OSBPL2: variants seen among roughly 807,000 people sequenced by gnomAD.
The protein encoded by OSBPL2 is oxysterol-binding protein-related protein 2.
In OSBPL2, 18 loss-of-function variants were observed where a neutral mutation model predicts 58.4. The observed-to-expected ratio is 0.31, with a 90% CI of 0.21 to 0.46. The LOEUF (loss-of-function observed/expected upper bound fraction) is 0.46, where lower values mean the gene tolerates loss of function less well. Among genes scored for constraint, OSBPL2 ranks in the 20% least tolerant of loss-of-function variants. The pLI, the probability that OSBPL2 is intolerant of heterozygous loss-of-function variation, is 1.00. For missense variants in OSBPL2, 461 were observed against 616.5 expected (o/e 0.75, Z 2.67); for synonymous variants, 221 against 234.1 (o/e 0.94, Z 0.51).
chr20:62,294,168 C>T lies in OSBPL2; in HGVS notation c.*281C>T. ...CGGCGCCCTTTTATGTGGCAGAAAT[C>T]AGCTGGGGCTTGTTTAGCTTCCAGC... On this transcript the variant is annotated 3_prime_UTR_variant, in exon 14 of 14. Coordinates refer to ENST00000313733, the MANE Select transcript of OSBPL2 (RefSeq NM_144498.4). 2.0e-6 allele frequency: 1 copy of T among 495,092 alleles called. No homozygotes were observed. Among genetic ancestry groups the T allele is most frequent in the South Asian group, 2.6e-5 (1 of 38,660 alleles). 30.7% of individuals were successfully genotyped at this position (495,092 alleles called of 1,614,324 possible). A position where few individuals can be genotyped will look rare whatever the true frequency, so the allele number is the denominator to read the frequency against.
At chr20:62,243,167 G>T (rs749919223) in intron 1 of OSBPL2, among the ~76,000 whole-genome samples, 1 of 152,228 alleles carries the variant, frequency 6.6e-6, no homozygotes, top group African/African-American at 2.4e-5. Context: ...CGCACAGGGC[G>T]TGGGGCTACC....
intron 1 of OSBPL2, among the ~76,000 whole-genome samples, chr20:62,253,772 C>A (rs1034418000): frequency 1.4e-4 from 20 of 145,258 alleles, no homozygotes; most frequent in African/African-American, 4.9e-4. Context: ...TAAAGGGGGC[C>A]AAACTCGCCC....
chr20:62,263,938 G>T (rs183529253), intron 4 of OSBPL2, among the ~76,000 whole-genome samples: 1 of 151,958 alleles, frequency 6.6e-6, no homozygotes, highest in Non-Finnish European at 1.5e-5. Context: ...GGTGGAGGGC[G>T]CCTGTAGTCC....
intron 12 of OSBPL2, among the ~76,000 whole-genome samples, chr20:62,289,853 C>T (rs992624111): frequency 6.6e-6 from 1 of 151,902 alleles, no homozygotes. Flanking sequence ...TGCAGTGAGC[C>T]GAGATTATAC....
intron 6 of OSBPL2, among the ~76,000 whole-genome samples, chr20:62,274,320 C>T (rs1568843353): frequency 6.6e-6 from 1 of 152,230 alleles, no homozygotes; most frequent in Non-Finnish European, 1.5e-5. Flanking sequence ...ATTCCTCAGC[C>T]ATTGAGCAGC....
chr20:62,279,480 C>G (rs1338079991), intron 7 of OSBPL2, 141 bp downstream of exon 7: 1 of 792,584 alleles, frequency 1.3e-6, no homozygotes, highest in Non-Finnish European at 2.0e-6. Context: ...GCAGAAACGT[C>G]TTCAGATGAG....
intron 12 of OSBPL2, among the ~76,000 whole-genome samples, chr20:62,289,663 G>A (rs1441672233): frequency 1.3e-5 from 2 of 152,196 alleles, no homozygotes; most frequent in African/African-American, 2.4e-5. Flanking sequence ...CAGCACTTTG[G>A]GAGGCTGAGG....
At chr20:62,246,387 A>G (rs1980117083) in intron 1 of OSBPL2, among the ~76,000 whole-genome samples, 1 of 152,246 alleles carries the variant, frequency 6.6e-6, no homozygotes, top group African/African-American at 2.4e-5. Context: ...TTCCAGTGCC[A>G]TGGGAGAGTC....
chr20:62,242,255 A>C (rs1979782718), intron 1 of OSBPL2: 1 of 152,238 alleles, frequency 6.6e-6, no homozygotes, highest in Non-Finnish European at 1.5e-5. Context: ...TAATAAAAGC[A>C]TCTGTTAAAT....
chr20:62,245,400 T>C (rs889461675), intron 1 of OSBPL2, among the ~76,000 whole-genome samples: 7 of 152,206 alleles, frequency 4.6e-5, no homozygotes, highest in African/African-American at 1.4e-4. Flanking sequence ...GCCTGAAACC[T>C]GTTCTTCAGC....
At chr20:62,261,563 C>T (rs1411217091) in intron 3 of OSBPL2, among the ~76,000 whole-genome samples, 1 of 152,160 alleles carries the variant, frequency 6.6e-6, no homozygotes, top group African/African-American at 2.4e-5. Context: ...TTCTCTCACC[C>T]TACAGATATG....
chr20:62,272,379 C>T (rs1026550049), intron 5 of OSBPL2, 120 bp downstream of exon 5: 17 of 1,073,380 alleles, frequency 1.6e-5, no homozygotes, highest in Non-Finnish European at 2.3e-5. Context: ...CCCCAGTGTT[C>T]AGTGCCATCC....
At chr20:62,281,947 T>A in intron 9 of OSBPL2, 68 bp downstream of exon 9, 5 of 1,036,934 alleles carry the variant, frequency 4.8e-6, no homozygotes, top group Non-Finnish European at 7.6e-6. Flanking sequence ...AGGGCTCAGG[T>A]GCTCCTGGGC....
At chr20:62,243,443 G>A (rs1276647736) in intron 1 of OSBPL2, among the ~76,000 whole-genome samples, 1 of 136,320 alleles carries the variant, frequency 7.3e-6, no homozygotes, top group African/African-American at 2.7e-5. Flanking sequence ...CGCAGCCCCT[G>A]CCCCGCAGCG....
At chr20:62,289,110 G>T in intron 11 of OSBPL2, 97 bp from the exon 12 acceptor site, 1 of 1,391,368 alleles carries the variant, frequency 7.2e-7, no homozygotes, top group Non-Finnish European at 9.9e-7. Flanking sequence ...CAGTCAGGTA[G>T]CACCTGCGGG....
intron 1 of OSBPL2, among the ~76,000 whole-genome samples, chr20:62,242,992 C>A (rs1248241291): frequency 6.6e-6 from 1 of 152,150 alleles, no homozygotes; most frequent in African/African-American, 2.4e-5. Context: ...ACTGAATAAA[C>A]CTAAGGCTGA....
intron 1 of OSBPL2, among the ~76,000 whole-genome samples, chr20:62,254,553 G>A (rs930883888): frequency 2.0e-5 from 3 of 152,378 alleles, no homozygotes; most frequent in Admixed American, 6.5e-5. Context: ...CTCAGGGGAC[G>A]TGGTGGCTGT....
At chr20:62,248,155 C>CTTT (rs11470491) in intron 1 of OSBPL2, among the ~76,000 whole-genome samples, 86 of 118,642 alleles carry the variant, frequency 7.2e-4, no homozygotes, top group Non-Finnish European at 8.5e-4. Context: ...CTTTTCTTTT[C>CTTT]TTTTTTTTTT....
intron 6 of OSBPL2, among the ~76,000 whole-genome samples, chr20:62,275,069 TGGCTGGGCTCACGCCTGGAA>T (rs1405089679): frequency 6.6e-6 from 1 of 152,186 alleles, no homozygotes; most frequent in Non-Finnish European, 1.5e-5. Flanking sequence ...AGACAATAGC[TGGCTGGGCTCACGCCTGGAA>T]TACCTGCAAC....
Sources: gnomAD v4.1 joint callset for allele counts (sites outside exome capture counted in the v4.1 genomes callset) on GRCh38, gnomAD v4.1.1 for gene constraint, MANE v1.5 for transcripts, NCBI Gene and HGNC (gene_info 2026-07-23, HGNC 2026-07-21) for gene names.